The following VAV3 variants were observed in gnomAD, a reference collection of about 807,000 sequenced individuals.
VAV3 encodes the protein vav guanine nucleotide exchange factor 3, also known as guanine nucleotide exchange factor VAV3.
Under a neutral mutation model 131.2 loss-of-function variants are expected in VAV3, and 94 were observed. The ratio of observed to expected loss-of-function variants is 0.72; its 90% CI spans 0.61 to 0.85. The LOEUF (loss-of-function observed/expected upper bound fraction) is 0.85, where lower values mean the gene tolerates loss of function less well. Ranked by LOEUF, VAV3 falls within the 40% of genes least tolerant of loss-of-function variation. The pLI, the probability that VAV3 is intolerant of heterozygous loss-of-function variation, is 0.00. For missense variants in VAV3, 939 were observed against 1,002.7 expected (o/e 0.94, Z 0.86); for synonymous variants, 349 against 342.0 (o/e 1.02, Z -0.22).
chr1:107,836,939 A>T (rs571991512), intron 2 of VAV3, among the ~76,000 whole-genome samples: 9 of 152,254 alleles, frequency 5.9e-5, no homozygotes, highest in Admixed American at 1.3e-4. Flanking sequence ...AACAAAAAAA[A>T]ACAGGTGGAT....
At chr1:107,778,590 G>A (rs1442672291) in intron 3 of VAV3, among the ~76,000 whole-genome samples, 1 of 152,188 alleles carries the variant, frequency 6.6e-6, no homozygotes, top group Non-Finnish European at 1.5e-5. Flanking sequence ...AGCTCACTGT[G>A]CTTTGTAGCC....
At chr1:107,681,418 T>C (rs1481066046) in intron 19 of VAV3, among the ~76,000 whole-genome samples, 1 of 152,122 alleles carries the variant, frequency 6.6e-6, no homozygotes, top group Non-Finnish European at 1.5e-5. Context: ...AAGCAAGGGT[T>C]AACTTTGAAC....
chr1:107,842,507 T>C (rs1242128854), intron 2 of VAV3, among the ~76,000 whole-genome samples: 1 of 152,320 alleles, frequency 6.6e-6, no homozygotes, highest in East Asian at 1.9e-4. Flanking sequence ...TCCACCCATC[T>C]GGTGAACTTC....
rs778801527 is a variant in VAV3, at chr1:107,642,795, A to C, written c.1778-40T>G. 13 of 1,612,132 alleles carry C rather than the reference A, an allele frequency of 8.1e-6. 1 individual carries two copies. In the African/African-American group the frequency reaches 1.3e-4, roughly 17 times the overall value. ...AACAAGTTTTAGAATTGAGAAAACA[A>C]TGATGCATGAAGTCTACATGAACTT... On this transcript the variant is annotated intron_variant, in intron 19 of 26. Transcript: ENST00000370056.
chr1:107,788,779 T>C (rs1447625426), intron 2 of VAV3, among the ~76,000 whole-genome samples: 2 of 152,238 alleles, frequency 1.3e-5, no homozygotes, highest in African/African-American at 2.4e-5. Flanking sequence ...GAATTGTTAG[T>C]ACACAACCGT....
At chr1:107,790,462 C>T (rs1240033894) in intron 2 of VAV3, among the ~76,000 whole-genome samples, 2 of 152,150 alleles carry the variant, frequency 1.3e-5, no homozygotes, top group Non-Finnish European at 2.9e-5. Flanking sequence ...CGTGTTTACA[C>T]AGGTGAGAAG....
chr1:107,585,322 C>A (rs1650398531), intron 25 of VAV3, among the ~76,000 whole-genome samples: 1 of 152,164 alleles, frequency 6.6e-6, no homozygotes, highest in South Asian at 2.1e-4. Context: ...ATGGGCCTAA[C>A]TGGTCTTCCT....
chr1:107,583,304 A>G (rs1055288327), intron 25 of VAV3, among the ~76,000 whole-genome samples: 2 of 152,222 alleles, frequency 1.3e-5, no homozygotes, highest in African/African-American at 4.8e-5. Flanking sequence ...CCAAGATCAT[A>G]CTGAATGCGA....
chr1:107,811,534 T>C (rs17020110), intron 2 of VAV3, among the ~76,000 whole-genome samples: 47,332 of 152,068 alleles, frequency 0.31, 7,797 homozygotes, highest in African/African-American at 0.42. Flanking sequence ...TTTTTAAAAT[T>C]AATTATTTCC....
At chr1:107,619,414 T>C (rs2101238391) in intron 20 of VAV3, among the ~76,000 whole-genome samples, 1 of 152,310 alleles carries the variant, frequency 6.6e-6, no homozygotes, top group African/African-American at 2.4e-5. Flanking sequence ...TCAAGTGCTC[T>C]ATAATGGTTT....
At chr1:107,811,312 G>A (rs1667305273) in intron 2 of VAV3, among the ~76,000 whole-genome samples, 1 of 151,792 alleles carries the variant, frequency 6.6e-6, no homozygotes, top group Admixed American at 6.6e-5. Flanking sequence ...GGAAGAATGA[G>A]CTTGACCACC....
At chr1:107,629,521 C>CTAA (rs1654286894) in intron 20 of VAV3, among the ~76,000 whole-genome samples, 1 of 152,164 alleles carries the variant, frequency 6.6e-6, no homozygotes, top group African/African-American at 2.4e-5. Context: ...CTATGCCTTA[C>CTAA]ACCTGCACTA....
At chr1:107,873,268 G>A (rs565135811) in intron 2 of VAV3, among the ~76,000 whole-genome samples, 2 of 152,198 alleles carry the variant, frequency 1.3e-5, no homozygotes, top group East Asian at 3.9e-4. Context: ...TCTCATTCCA[G>A]TAGAACACCA....
intron 20 of VAV3, among the ~76,000 whole-genome samples, chr1:107,620,612 G>C (rs183268483): frequency 2.0e-5 from 3 of 150,480 alleles, no homozygotes; most frequent in Non-Finnish European, 3.0e-5. Context: ...CTTTTTTTTT[G>C]TTCACACAGA....
chr1:107,622,371 A>C (rs1253827573), intron 20 of VAV3, among the ~76,000 whole-genome samples: 3 of 152,162 alleles, frequency 2.0e-5, no homozygotes, highest in Non-Finnish European at 4.4e-5. Flanking sequence ...CTAGAGCTAA[A>C]ACCTCATTTT....
At chr1:107,779,702 T>G (rs947750525) in intron 2 of VAV3, among the ~76,000 whole-genome samples, 3 of 152,230 alleles carry the variant, frequency 2.0e-5, no homozygotes, top group Middle Eastern at 3.4e-3. Context: ...ATAAATTACT[T>G]TATTACTTTA....
chr1:107,899,006 AG>A (rs1277224520), intron 1 of VAV3, among the ~76,000 whole-genome samples: 1 of 152,160 alleles, frequency 6.6e-6, no homozygotes, highest in Non-Finnish European at 1.5e-5. Context: ...TCTCTCCAAA[AG>A]CTTACTATAC....
intron 1 of VAV3, among the ~76,000 whole-genome samples, chr1:107,877,730 TACA>T (rs951990675): frequency 6.6e-5 from 10 of 152,320 alleles, no homozygotes; most frequent in African/African-American, 1.9e-4. Context: ...TTTGAATTCC[TACA>T]ACATTACACA....
intron 1 of VAV3, among the ~76,000 whole-genome samples, chr1:107,878,856 T>C (rs1302894777): frequency 1.3e-5 from 2 of 152,202 alleles, no homozygotes; most frequent in Non-Finnish European, 1.5e-5. Flanking sequence ...ATGGGATTAG[T>C]ATTCCTTGAT....
Sources: allele counts gnomAD v4.1 joint callset (sites outside exome capture counted in the v4.1 genomes callset), GRCh38; gene constraint gnomAD v4.1.1; transcripts MANE v1.5; gene names NCBI Gene and HGNC (gene_info 2026-07-23, HGNC 2026-07-21).